The following PPM1A variants were observed in gnomAD, a reference collection of about 807,000 sequenced individuals.
PPM1A encodes the protein protein phosphatase 1A.
Under a neutral mutation model 35.0 loss-of-function variants are expected in PPM1A, and 7 were observed. The observed-to-expected ratio is 0.20, with a 90% CI of 0.11 to 0.38. PPM1A has a LOEUF of 0.38. Among genes scored for constraint, PPM1A ranks in the 10% least tolerant of loss-of-function variants. The pLI, the probability that PPM1A is intolerant of heterozygous loss-of-function variation, is 1.00. For synonymous variants in PPM1A, 153 were observed against 167.3 expected (o/e 0.91, Z 0.66); for missense variants, 239 against 467.8 (o/e 0.51, Z 4.51).
intron 1 of PPM1A, among the ~76,000 whole-genome samples, chr14:60,250,086 C>T (rs1389255249): frequency 2.0e-5 from 3 of 151,680 alleles, no homozygotes; most frequent in African/African-American, 7.3e-5. Context: ...GCGCGCCGCC[C>T]CGGCTGTCCT....
chr14:60,287,270 A>G (rs1449038893), intron 3 of PPM1A: 1 of 974,326 alleles, frequency 1.0e-6, no homozygotes, highest in African/African-American at 1.8e-5. Flanking sequence ...TATATTTCTT[A>G]TTATCAAGCA....
At chr14:60,255,322 C>T (rs1882980197) in intron 1 of PPM1A, among the ~76,000 whole-genome samples, 2 of 150,838 alleles carry the variant, frequency 1.3e-5, no homozygotes, top group Non-Finnish European at 2.9e-5. Flanking sequence ...CAGGCGCCCG[C>T]TACCACGCCC....
chr14:60,251,479 A>T (rs939788676), intron 1 of PPM1A, among the ~76,000 whole-genome samples: 1 of 152,266 alleles, frequency 6.6e-6, no homozygotes, highest in African/African-American at 2.4e-5. Flanking sequence ...AGGATTGTTT[A>T]GTCATGGCTG....
chr14:60,268,364 A>G (rs776755549), intron 1 of PPM1A: 2 of 973,916 alleles, frequency 2.1e-6, no homozygotes, highest in Non-Finnish European at 2.4e-6. Flanking sequence ...ACTTTCCTCC[A>G]TATTTTCAAA....
In PPM1A at chr14:60,289,718, T is replaced by C. The variant is rs1466362452; in HGVS notation, c.953-88T>C. The C allele has an allele frequency of 1.2e-6, 1 of 822,860 alleles. No homozygotes were observed. Among genetic ancestry groups the C allele is most frequent in the Non-Finnish European group, 2.0e-6 (1 of 506,080 alleles). 51.0% of individuals were successfully genotyped at this position (822,860 alleles called of 1,614,324 possible). ...AAAATCTCAGATGTGGTAAATGCCATCTTTAAAAAGCTAGGTTATCTTTGT... is the reference window on the plus strand; with the variant it reads ...AAAATCTCAGATGTGGTAAATGCCACCTTTAAAAAGCTAGGTTATCTTTGT... On this transcript the variant is annotated intron_variant, in intron 3 of 5. Transcript: ENST00000395076. This position sits in a 1 kb window ranked among gnomAD's most constrained non-coding sequence, Gnocchi z 4.1.
Position 60,282,917 on chromosome 14 carries a change from T to A in PPM1A, c.214T>A (p.Cys72Ser). 1 of 1,614,246 alleles carries A rather than the reference T, an allele frequency of 6.2e-7. No individual in the cohort carries two copies. Among genetic ancestry groups the A allele is most frequent in the Non-Finnish European group, 8.5e-7 (1 of 1,180,046 alleles). ...TGGTTCTCAGGTTGCCAAATACTGC[T>A]GTGAGCATTTGTTAGATCACATCAC... The part of the protein sequence containing the change: ...HAGSQVAKYC[C>S]EHLLDHITNN... Residue 72 changes from cysteine (C) to serine (S), a missense_variant, in exon 2 of 6, where the codon TGT becomes AGT. Physicochemically the swap from Cys to Ser is moderately radical, Grantham distance 112 (BLOSUM62 -1). Around this residue, in one of 2 missense-constraint regions of PPM1A, gnomAD observed 175 missense variants for 389.2 expected, o/e 0.45. Transcript: ENST00000395076. This position sits in a 1 kb window ranked among gnomAD's most constrained non-coding sequence, Gnocchi z 5.1.
chr14:60,255,003 G>C (rs146042195), intron 1 of PPM1A, among the ~76,000 whole-genome samples: 3 of 152,118 alleles, frequency 2.0e-5, no homozygotes, highest in Admixed American at 2.0e-4. Flanking sequence ...GTGCAGTCTG[G>C]AATTTGTGTC....
chr14:60,259,320 C>A (rs1179037852), intron 1 of PPM1A, among the ~76,000 whole-genome samples: 2 of 151,832 alleles, frequency 1.3e-5, no homozygotes, highest in African/African-American at 4.8e-5. Flanking sequence ...GAATCTTTTA[C>A]CATCTTAAAT....
At chr14:60,256,474 T>C (rs1263975468) in intron 1 of PPM1A, among the ~76,000 whole-genome samples, 2 of 152,152 alleles carry the variant, frequency 1.3e-5, no homozygotes, top group South Asian at 2.1e-4. Flanking sequence ...GTAAAATTTA[T>C]TGGCTTTTTA....
At chr14:60,287,985 A>G in intron 3 of PPM1A, 1 of 982,696 alleles carries the variant, frequency 1.0e-6, no homozygotes, top group Non-Finnish European at 1.2e-6. Context: ...TATTCTTTAG[A>G]AAAAGCGTTC....
chr14:60,281,744 G>A (rs146778033), intron 1 of PPM1A, among the ~76,000 whole-genome samples: 76 of 152,250 alleles, frequency 5.0e-4, no homozygotes, highest in African/African-American at 1.6e-3. Context: ...CTAGACCAGC[G>A]GGTGTTAACT....
At position 60,273,303 on chromosome 14, in the gene PPM1A, T is replaced by C. The variant is rs1885377603; in HGVS notation, c.-20-9381T>C. Among the ~76,000 whole-genome samples, 2 of 152,184 alleles carry C rather than the reference T, an allele frequency of 1.3e-5. No homozygotes were observed. On this transcript the variant is annotated intron_variant, in intron 1 of 5. Transcript: ENST00000395076. This position sits in a 1 kb window ranked among gnomAD's most constrained non-coding sequence, Gnocchi z 4.3. The stretch of plus-strand genomic sequence containing the variant: ...AGATCTCAGGAATGAGTAGGAATTA[T>C]CTAAGACATGAGAGAACAGCTGTTA...
At chr14:60,281,179 C>G (rs1417824778) in intron 1 of PPM1A, among the ~76,000 whole-genome samples, 1 of 152,194 alleles carries the variant, frequency 6.6e-6, no homozygotes, top group Non-Finnish European at 1.5e-5. Flanking sequence ...AATCAAAATA[C>G]TCACCTTTGC....
chr14:60,284,713 A>C (rs1377277858), intron 2 of PPM1A, among the ~76,000 whole-genome samples: 1 of 143,358 alleles, frequency 7.0e-6, no homozygotes, highest in Non-Finnish European at 1.5e-5. Context: ...GTGTGTATAT[A>C]TATATATACA....
chr14:60,259,561 G>A (rs1883512729), intron 1 of PPM1A, among the ~76,000 whole-genome samples: 1 of 151,938 alleles, frequency 6.6e-6, no homozygotes, highest in Non-Finnish European at 1.5e-5. Flanking sequence ...CTTCAGTTTT[G>A]GATAACTTGG....
intron 1 of PPM1A, chr14:60,250,594 C>G (rs1451118926): frequency 5.2e-6 from 1 of 191,278 alleles, no homozygotes; most frequent in Non-Finnish European, 9.6e-6. Flanking sequence ...AAGTTTCCTG[C>G]TCATTGGAAT....
chr14:60,280,646 G>A (rs1886303718), intron 1 of PPM1A, among the ~76,000 whole-genome samples: 1 of 152,128 alleles, frequency 6.6e-6, no homozygotes, highest in African/African-American at 2.4e-5. Context: ...CTAGGATAGT[G>A]GTCTTGGTTA....
chr14:60,249,925 G>A lies in PPM1A; in HGVS notation c.-21+248G>A, dbSNP rs1173274675. Among the ~76,000 whole-genome samples the A allele has an allele frequency of 3.3e-5, 5 of 151,510 alleles. No individual in the cohort carries two copies. The highest frequency in any genetic ancestry group is 7.3e-5 in the African/African-American group (3 of 41,316). ...CGGGGTGTTAGTTGCGGTGGCGCGG[G>A]GAGGGGGCGCGACCCTCTGGCCGTC... is the stretch of plus-strand genomic sequence containing the variant. On this transcript the variant is annotated intron_variant, in intron 1 of 5. Transcript: ENST00000395076. This position sits in a 1 kb window ranked among gnomAD's most constrained non-coding sequence, Gnocchi z 4.5.
At chr14:60,291,290 T>C (rs1469340215) in intron 4 of PPM1A, 107 bp from the exon 5 acceptor site, 4 of 700,834 alleles carry the variant, frequency 5.7e-6, no homozygotes, top group Non-Finnish European at 4.5e-6. Context: ...TAAAATAATA[T>C]CTGAGTATAA....
Sources: gnomAD v4.1 joint callset for allele counts (sites outside exome capture counted in the v4.1 genomes callset) on GRCh38, gnomAD v4.1.1 for gene constraint, gnomAD v4.1.1 regional missense constraint, Gnocchi (gnomAD v3.1) non-coding constraint, MANE v1.5 for transcripts, NCBI Gene and HGNC (gene_info 2026-07-23, HGNC 2026-07-21) for gene names.